BCL2L11: variants seen among roughly 807,000 people sequenced by gnomAD.
BCL2L11 encodes the protein BCL2 like 11.
BCL2L11 carries 15 observed loss-of-function variants against 20.6 expected under a neutral mutation model. That is an observed-to-expected ratio of 0.73 (90% CI 0.49 to 1.12). BCL2L11 has a LOEUF of 1.12. Ranked by LOEUF, BCL2L11 falls within the 50% of genes most tolerant of loss-of-function variation. The probability of loss-of-function intolerance (pLI) is 0.00; values close to 1 mark genes in which losing one functional copy is unlikely to be tolerated. For synonymous variants in BCL2L11, 108 were observed against 92.8 expected (o/e 1.16, Z -0.94); for missense variants, 292 against 260.9 (o/e 1.12, Z -0.82).
At chr2:111,139,508 C>T (rs1361275658) in intron 2 of BCL2L11, among the ~76,000 whole-genome samples, 2 of 152,200 alleles carry the variant, frequency 1.3e-5, no homozygotes, top group African/African-American at 4.8e-5. Flanking sequence ...ATCAAGACTT[C>T]TACAACTGCG....
At chr2:111,159,127 C>A (rs539585340) in intron 3 of BCL2L11, among the ~76,000 whole-genome samples, 2 of 152,180 alleles carry the variant, frequency 1.3e-5, no homozygotes, top group South Asian at 2.1e-4. Flanking sequence ...TGAGGAGCAA[C>A]GGGCCCTTCC....
In BCL2L11 at chr2:111,166,695, AAC is replaced by A. The variant is rs960311121; in HGVS notation, c.*2472_*2473del. The stretch of plus-strand genomic sequence containing the variant: ...TGTGACTTAACACAGAAACGCAATA[AAC>A]ACACACAAAATAGTTTCATGAGTGA... On this transcript the variant is annotated 3_prime_UTR_variant, in exon 4 of 4. Coordinates refer to ENST00000393256, the MANE Select transcript of BCL2L11 (RefSeq NM_138621.5). The A allele has an allele frequency of 5.9e-5, 9 of 152,670 alleles. No homozygotes were observed. The South Asian group carries it at 1.2e-3, about 21-fold the overall frequency. The allele number at this position is 152,670 out of a possible 1,614,324, so 9.5% of individuals were successfully genotyped here. A position where few individuals can be genotyped will look rare whatever the true frequency, so the allele number is the denominator to read the frequency against.
chr2:111,142,764 T>C (rs966951652), intron 2 of BCL2L11, among the ~76,000 whole-genome samples: 2 of 152,242 alleles, frequency 1.3e-5, no homozygotes. Context: ...TTAAATTTCA[T>C]AGAGGAAGCC....
At chr2:111,154,002 A>T in intron 3 of BCL2L11, 1 of 1,304,812 alleles carries the variant, frequency 7.7e-7, no homozygotes, top group Non-Finnish European at 9.9e-7. Flanking sequence ...CCCTCTATTC[A>T]GTCGGAGTTT....
chr2:111,147,239 G>A (rs981894176), intron 2 of BCL2L11, among the ~76,000 whole-genome samples: 1 of 151,892 alleles, frequency 6.6e-6, no homozygotes, highest in African/African-American at 2.4e-5. Flanking sequence ...GCATTGCCAT[G>A]GTTTCTTGCC....
chr2:111,122,735 C>T (rs2071391171), intron 1 of BCL2L11: 1 of 984,028 alleles, frequency 1.0e-6, no homozygotes, highest in Non-Finnish European at 1.2e-6. Flanking sequence ...CGGAGCGCGG[C>T]GGCGGGCTGG....
intron 3 of BCL2L11, chr2:111,163,325 C>T (rs1449654329): frequency 6.6e-6 from 1 of 152,324 alleles, no homozygotes; most frequent in Non-Finnish European, 1.5e-5. Context: ...GGTTGTAGCT[C>T]ATGGCGTCGA....
intron 3 of BCL2L11, chr2:111,151,830 ACTC>A (rs1300578801): frequency 5.8e-6 from 9 of 1,547,458 alleles, no homozygotes; most frequent in Non-Finnish European, 7.9e-6. Context: ...AGCTGGCAAA[ACTC>A]CTGGCATCCT....
intron 2 of BCL2L11, among the ~76,000 whole-genome samples, chr2:111,126,734 C>G (rs2072706759): frequency 6.6e-6 from 1 of 152,158 alleles, no homozygotes; most frequent in African/African-American, 2.4e-5. Flanking sequence ...CCATGAAGTT[C>G]TTCAATGAAG....
intron 3 of BCL2L11, among the ~76,000 whole-genome samples, chr2:111,161,994 C>T (rs1357093768): frequency 1.3e-5 from 2 of 152,238 alleles, no homozygotes; most frequent in African/African-American, 4.8e-5. Context: ...AGCTTTTGGC[C>T]ACTTGCCCCA....
intron 2 of BCL2L11, chr2:111,145,916 CTTTCTT>C: frequency 2.4e-6 from 2 of 826,476 alleles, no homozygotes; most frequent in Non-Finnish European, 2.8e-6. Flanking sequence ...TGATTAGTGG[CTTTCTT>C]TTTTTTTTTT....
In BCL2L11 at chr2:111,123,758, C is replaced by G. The variant is rs1250218441; in HGVS notation, c.13C>G (p.Pro5Ala). The change falls in exon 2 of 4, where the codon CCT becomes GCT. Residue 5 changes from proline (P) to alanine (A), a missense_variant. Transcript: ENST00000393256. The stretch of plus-strand genomic sequence containing the variant: ...AAAAAAAGACCAAATGGCAAAGCAA[C>G]CTTCTGATGTAAGTTCTGAGTGTGA... MAKQPSDVSSECDRE... is the reference protein window; with the variant it reads MAKQASDVSSECDRE... The G allele has an allele frequency of 7.2e-7, 1 of 1,380,098 alleles. No individual in the cohort carries two copies. Among genetic ancestry groups the G allele is most frequent in the South Asian group, 2.2e-5 (1 of 46,036 alleles). The allele number at this position is 1,380,098 out of a possible 1,614,324, so 85.5% of individuals were successfully genotyped here. A position where few individuals can be genotyped will look rare whatever the true frequency, so the allele number is the denominator to read the frequency against.
At chr2:111,139,704 AC>A (rs1157089211) in intron 2 of BCL2L11, among the ~76,000 whole-genome samples, 1 of 152,192 alleles carries the variant, frequency 6.6e-6, no homozygotes, top group Non-Finnish European at 1.5e-5. Flanking sequence ...AACAACATGT[AC>A]CCGGTTTAAC....
At chr2:111,162,288 C>T (rs907643136) in intron 3 of BCL2L11, among the ~76,000 whole-genome samples, 12 of 152,178 alleles carry the variant, frequency 7.9e-5, no homozygotes, top group African/African-American at 2.4e-4. Flanking sequence ...TTGTCATGCC[C>T]GCCGTCTGAG....
chr2:111,123,210 T>C (rs1378458524), intron 1 of BCL2L11: 3 of 985,358 alleles, frequency 3.0e-6, no homozygotes, highest in East Asian at 1.1e-4. Context: ...ACAAACTCTA[T>C]TGTGACGCAC....
intron 1 of BCL2L11, chr2:111,122,524 G>A: frequency 1.2e-6 from 1 of 840,108 alleles, no homozygotes; most frequent in Non-Finnish European, 1.4e-6. Context: ...CTGCCGATTG[G>A]CTGCGGCGCG....
At chr2:111,132,934 A>G (rs1030989057) in intron 2 of BCL2L11, among the ~76,000 whole-genome samples, 7 of 152,202 alleles carry the variant, frequency 4.6e-5, no homozygotes. Flanking sequence ...AAGCCTTGGT[A>G]AAATAACCCA....
At chr2:111,154,229 T>TAG (rs1235771584) in intron 3 of BCL2L11, among the ~76,000 whole-genome samples, 1 of 151,932 alleles carries the variant, frequency 6.6e-6, no homozygotes, top group Non-Finnish European at 1.5e-5. Context: ...TTCCCAAAAA[T>TAG]AGGAGTAATC....
chr2:111,151,803 C>T, intron 3 of BCL2L11: 1 of 1,526,422 alleles, frequency 6.6e-7, no homozygotes, highest in Non-Finnish European at 8.9e-7. Context: ...TTAAGAATTT[C>T]TTAAAATACT....
Sources: allele counts gnomAD v4.1 joint callset (sites outside exome capture counted in the v4.1 genomes callset), GRCh38; gene constraint gnomAD v4.1.1; transcripts MANE v1.5; gene names NCBI Gene and HGNC (gene_info 2026-07-23, HGNC 2026-07-21).